ACTR3C: variants seen among roughly 807,000 people sequenced by gnomAD.
The protein encoded by ACTR3C is actin related protein 3C.
Under a neutral mutation model 26.3 loss-of-function variants are expected in ACTR3C, and 18 were observed. The observed-to-expected ratio is 0.68, with a 90% confidence interval of 0.47 to 1.01. ACTR3C has a LOEUF of 1.01. ACTR3C is among the 50% of genes least tolerant of loss of function. ACTR3C has a pLI of 0.00. For synonymous variants in ACTR3C, 55 were observed against 94.5 expected (o/e 0.58, Z 2.42); for missense variants, 184 against 250.7 (o/e 0.73, Z 1.80).
chr7:150,099,905 CAT>C, the ACTR3C span, among the ~76,000 whole-genome samples: 1 of 151,682 alleles, frequency 6.6e-6, no homozygotes, highest in Admixed American at 6.6e-5. Context: ...GGCCTCTAGT[CAT>C]AGAGTGCTGT....
the ACTR3C span, among the ~76,000 whole-genome samples, chr7:150,191,122 T>C: frequency 6.6e-6 from 1 of 152,254 alleles, no homozygotes; most frequent in Non-Finnish European, 1.5e-5. Flanking sequence ...TTGATTGCTG[T>C]GGTTATAAAA....
At chr7:150,166,781 C>T in the ACTR3C span, among the ~76,000 whole-genome samples, 9 of 150,418 alleles carry the variant, frequency 6.0e-5, no homozygotes, top group Admixed American at 2.0e-4. Flanking sequence ...TTTTTGCACC[C>T]ATTAAGCAAC....
At chr7:150,282,384 G>T (rs1232268769) in intron 6 of ACTR3C, among the ~76,000 whole-genome samples, 1 of 152,036 alleles carries the variant, frequency 6.6e-6, no homozygotes, top group East Asian at 1.9e-4. Flanking sequence ...AACATATTCT[G>T]GTCTACTCTA....
chr7:150,042,786 T>TAGGCTACCGGCCTC, the ACTR3C span, among the ~76,000 whole-genome samples: 1 of 151,474 alleles, frequency 6.6e-6, no homozygotes. Context: ...TTTAGAGACG[T>TAGGCTACCGGCCTC]AGGCTACCGG....
At chr7:150,155,593 CT>C in the ACTR3C span, among the ~76,000 whole-genome samples, 1 of 150,756 alleles carries the variant, frequency 6.6e-6, no homozygotes, top group African/African-American at 2.4e-5. Context: ...GGAATTGAGA[CT>C]CATGGTCTCA....
chr7:150,164,729 TTTTG>T, the ACTR3C span, among the ~76,000 whole-genome samples: 14 of 151,790 alleles, frequency 9.2e-5, no homozygotes, highest in Admixed American at 2.6e-4. Context: ...TCAGCCAATA[TTTTG>T]TTTGTTTCTT....
At chr7:150,034,122 G>A in the ACTR3C span, among the ~76,000 whole-genome samples, 21 of 151,620 alleles carry the variant, frequency 1.4e-4, no homozygotes, top group African/African-American at 4.8e-4. Context: ...GGGGGAAGAG[G>A]GGATGGATCT....
the ACTR3C span, among the ~76,000 whole-genome samples, chr7:150,231,552 C>T: frequency 6.6e-6 from 1 of 150,462 alleles, no homozygotes; most frequent in African/African-American, 2.5e-5. Flanking sequence ...CATGATGCAT[C>T]TCGTATAGCC....
At chr7:150,123,873 G>A in the ACTR3C span, among the ~76,000 whole-genome samples, 5 of 152,146 alleles carry the variant, frequency 3.3e-5, no homozygotes, top group South Asian at 2.1e-4. Flanking sequence ...GGCTCACCCC[G>A]ACCCTGAGGT....
chr7:150,051,570 TGTGAG>T, the ACTR3C span, among the ~76,000 whole-genome samples: 15 of 100,530 alleles, frequency 1.5e-4, no homozygotes, highest in African/African-American at 1.7e-4. Context: ...ACTTATTGGG[TGTGAG>T]AAAATATTTT....
the ACTR3C span, among the ~76,000 whole-genome samples, chr7:150,173,553 C>G: frequency 2.7e-5 from 4 of 149,320 alleles, no homozygotes; most frequent in East Asian, 5.8e-4. Flanking sequence ...GAGGGGCTAC[C>G]ATGAAGACCT....
intron 6 of ACTR3C, among the ~76,000 whole-genome samples, chr7:150,255,034 T>C (rs1833106347): frequency 6.6e-6 from 1 of 152,010 alleles, no homozygotes; most frequent in Non-Finnish European, 1.5e-5. Context: ...AATCTCATAA[T>C]TATAGAGCCT....
chr7:150,037,081 TCG>T, the ACTR3C span, among the ~76,000 whole-genome samples: 1 of 80,158 alleles, frequency 1.2e-5, no homozygotes, highest in African/African-American at 4.3e-5. Context: ...TGCCTCCCCC[TCG>T]TGCGATGGGG....
the ACTR3C span, among the ~76,000 whole-genome samples, chr7:150,011,838 C>T: frequency 3.9e-5 from 6 of 152,178 alleles, no homozygotes; most frequent in South Asian, 1.2e-3. Flanking sequence ...TATTAGGTAT[C>T]ACATATTTTC....
intron 6 of ACTR3C, among the ~76,000 whole-genome samples, chr7:150,266,962 C>T (rs1177686008): frequency 1.3e-5 from 2 of 152,206 alleles, no homozygotes; most frequent in Non-Finnish European, 2.9e-5. Flanking sequence ...CTTAACCATA[C>T]AACACAGCAA....
the ACTR3C span, among the ~76,000 whole-genome samples, chr7:150,102,018 A>G: frequency 6.6e-6 from 1 of 151,682 alleles, no homozygotes; most frequent in Non-Finnish European, 1.5e-5. Context: ...TATAAATACC[A>G]TGAAGAAAAA....
intron 1 of ACTR3C, among the ~76,000 whole-genome samples, chr7:150,305,623 T>G (rs1161023738): frequency 2.0e-5 from 3 of 152,220 alleles, no homozygotes; most frequent in Non-Finnish European, 4.4e-5. Context: ...TGCAAATCCC[T>G]TCCGAAGTTC....
chr7:149,927,065 CT>C, the ACTR3C span, among the ~76,000 whole-genome samples: 15 of 149,266 alleles, frequency 1.0e-4, no homozygotes, highest in African/African-American at 3.2e-4. Context: ...GCCAAATAAA[CT>C]TTTTTTTTTC....
At chr7:150,160,455 T>TG in the ACTR3C span, among the ~76,000 whole-genome samples, 4 of 152,146 alleles carry the variant, frequency 2.6e-5, no homozygotes, top group Non-Finnish European at 5.9e-5. Flanking sequence ...CAAAGAGAAA[T>TG]GGGCATTCCT....
Sources: allele counts gnomAD v4.1 joint callset (sites outside exome capture counted in the v4.1 genomes callset), GRCh38; gene constraint gnomAD v4.1.1; transcripts MANE v1.5; gene names NCBI Gene and HGNC (gene_info 2026-07-23, HGNC 2026-07-21).